The following MGAT4B variants were observed in gnomAD, a reference collection of about 807,000 sequenced individuals.
The protein encoded by MGAT4B is N-acetylglucosaminyltransferase IVb.
A neutral mutation model predicts 73.9 loss-of-function variants in MGAT4B; 38 were observed. The ratio of observed to expected loss-of-function variants is 0.51; its 90% CI spans 0.40 to 0.67. The LOEUF (loss-of-function observed/expected upper bound fraction) is 0.67, where lower values mean the gene tolerates loss of function less well. Among genes scored for constraint, MGAT4B ranks in the 30% least tolerant of loss-of-function variants. MGAT4B has a pLI of 0.00. For synonymous variants in MGAT4B, 373 were observed against 313.5 expected (o/e 1.19, Z -2.01); for missense variants, 686 against 735.2 (o/e 0.93, Z 0.77).
Position 179,798,644 on chromosome 5 carries a change from A to T in MGAT4B, c.1344-53T>A, listed in dbSNP as rs1756763035. ...TGCAGGGGCAGCGTTCCAGCACAGC[A>T]CCCAGGGCCCAGCAGAGAAAGGCCA... On this transcript the variant is annotated intron_variant, in intron 11 of 14. Coordinates refer to ENST00000292591, the MANE Select transcript of MGAT4B (RefSeq NM_014275.5). 1.9e-6 allele frequency: 3 copies of T among 1,590,186 alleles called. No homozygotes were observed. The South Asian group carries it at 3.3e-5, about 18-fold the overall frequency.
Position 179,801,294 on chromosome 5 carries a change from C to T in MGAT4B, c.558+40G>A, listed in dbSNP as rs1233548928. 2 of 1,583,038 alleles carry T rather than the reference C, an allele frequency of 1.3e-6. No homozygotes were observed. Among genetic ancestry groups the T allele is most frequent in the Non-Finnish European group, 1.7e-6 (2 of 1,160,842 alleles). On this transcript the variant is annotated intron_variant, in intron 4 of 14. Coordinates refer to ENST00000292591, the MANE Select transcript of MGAT4B (RefSeq NM_014275.5). The surrounding 1 kb of genome is among the most constrained non-coding windows in gnomAD (Gnocchi z 4.8). Reference sequence around the variant, plus strand: ...CTGTCAGTTCTGCACCGCGGGGGCTCCTCTGAATGTCCCCCAACCCCGCGT... The same window carrying T: ...CTGTCAGTTCTGCACCGCGGGGGCTTCTCTGAATGTCCCCCAACCCCGCGT...
rs967642144 is a variant in MGAT4B, at chr5:179,797,925, C to G, written c.*120G>C. ...GGCGGACCCCAGGCCGGCCCAAGCC[C>G]GACGCCAGGCAGAACCCTTTGGGCG... is the stretch of plus-strand genomic sequence containing the variant. On this transcript the variant is annotated 3_prime_UTR_variant, in exon 15 of 15. Coordinates refer to ENST00000292591, the MANE Select transcript of MGAT4B (RefSeq NM_014275.5). The G allele has an allele frequency of 1.4e-6, 2 of 1,413,600 alleles. No homozygotes were observed. Among genetic ancestry groups the G allele is most frequent in the African/African-American group, 1.4e-5 (1 of 69,900 alleles). 87.6% of individuals were successfully genotyped at this position (1,413,600 alleles called of 1,614,324 possible). A position where few individuals can be genotyped will look rare whatever the true frequency, so the allele number is the denominator to read the frequency against.
At chr5:179,805,814 C>G (rs1025837019) in intron 1 of MGAT4B, among the ~76,000 whole-genome samples, 13 of 152,254 alleles carry the variant, frequency 8.5e-5, no homozygotes, top group Non-Finnish European at 1.8e-4. Flanking sequence ...ATCGCCAAGA[C>G]CGGCCAGCGG....
rs1240547275 is a variant in MGAT4B at position 179,797,776 on chromosome 5, C to T, written c.*269G>A. ...CGCCCAAGTAAAAGCTCTTCTAAAA[C>T]GGCCTGACTGGGGCAGGCCGGGTGC... On this transcript the variant is annotated 3_prime_UTR_variant, in exon 15 of 15. Transcript: ENST00000292591. 29 of 427,510 alleles carry T rather than the reference C, an allele frequency of 6.8e-5. No homozygotes were observed. The highest frequency in any genetic ancestry group is 1.3e-3 in the Middle Eastern group (2 of 1,594). 26.5% of individuals were successfully genotyped at this position (427,510 alleles called of 1,614,324 possible).
At position 179,801,304 on chromosome 5, in the gene MGAT4B, T is replaced by C. The variant is rs199893028; in HGVS notation, c.558+30A>G. The C allele has an allele frequency of 1.5e-5, 24 of 1,589,086 alleles. No homozygotes were observed. Among genetic ancestry groups the C allele is most frequent in the Non-Finnish European group, 2.1e-5 (24 of 1,164,136 alleles). Reference sequence around the variant, plus strand: ...TGCACCGCGGGGGCTCCTCTGAATGTCCCCCAACCCCGCGTCCCGGCTCAC... The same window carrying C: ...TGCACCGCGGGGGCTCCTCTGAATGCCCCCCAACCCCGCGTCCCGGCTCAC... On this transcript the variant is annotated intron_variant, in intron 4 of 14. Transcript: ENST00000292591. This position sits in a 1 kb window ranked among gnomAD's most constrained non-coding sequence, Gnocchi z 4.8.
In MGAT4B at chr5:179,800,892, G is replaced by T. The variant is rs1229278820; in HGVS notation, c.605+15C>A. ...GCTCTCCCGCCACCAGCTCTCTGGGGTCGCCAGTACTCACAAGGCCTTGAT... is the reference window on the plus strand; with the variant it reads ...GCTCTCCCGCCACCAGCTCTCTGGGTTCGCCAGTACTCACAAGGCCTTGAT... On this transcript the variant is annotated intron_variant, in intron 5 of 14. Coordinates refer to ENST00000292591, the MANE Select transcript of MGAT4B (RefSeq NM_014275.5). 1.9e-6 allele frequency: 3 copies of T among 1,613,074 alleles called. No homozygotes were observed. Among genetic ancestry groups the T allele is most frequent in the East Asian group, 4.5e-5 (2 of 44,844 alleles).
At chr5:179,804,140 CCA>C (rs1757050310) in intron 1 of MGAT4B, among the ~76,000 whole-genome samples, 2 of 152,232 alleles carry the variant, frequency 1.3e-5, no homozygotes, top group Admixed American at 6.5e-5. Context: ...GGCCCACAAA[CCA>C]CAGTTCCCCC....
At position 179,798,455 on chromosome 5, in the gene MGAT4B, T is replaced by G. The variant is rs778966833; in HGVS notation, c.1423-21A>C. 3.1e-6 allele frequency: 5 copies of G among 1,612,840 alleles called. No individual in the cohort carries two copies. The Admixed American group carries it at 8.3e-5, about 27-fold the overall frequency. On this transcript the variant is annotated intron_variant, in intron 12 of 14. Coordinates refer to ENST00000292591, the MANE Select transcript of MGAT4B (RefSeq NM_014275.5). Reference sequence around the variant, plus strand: ...GGGTTCTGGGGGCAGAATCAAGGGCTGAGGCAGGTGGTCACAGGAGGCCCG... The same window carrying G: ...GGGTTCTGGGGGCAGAATCAAGGGCGGAGGCAGGTGGTCACAGGAGGCCCG...
chr5:179,804,287 T>C (rs1304903185), intron 1 of MGAT4B, among the ~76,000 whole-genome samples: 7 of 152,224 alleles, frequency 4.6e-5, no homozygotes, highest in Admixed American at 4.6e-4. Context: ...GCTGTCACCA[T>C]GCATGTGTGT....
chr5:179,799,400 C>T (rs1756806158), intron 9 of MGAT4B, 90 bp from the exon 10 acceptor site: 3 of 1,604,930 alleles, frequency 1.9e-6, no homozygotes, highest in African/African-American at 2.7e-5. Context: ...CCTCCCACAG[C>T]TGACAGTGCT....
chr5:179,801,988 C>T lies in MGAT4B; in HGVS notation c.98-19G>A. On this transcript the variant is annotated intron_variant, in intron 1 of 14. Transcript: ENST00000292591. This position sits in a 1 kb window ranked among gnomAD's most constrained non-coding sequence, Gnocchi z 4.8. ...ACGTCGCCTGCAGGTGGTAGGCAAG[C>T]CGTCACGAGGGGGCGGTCTAGAGCC... The T allele has an allele frequency of 1.9e-6, 3 of 1,613,472 alleles. No homozygotes were observed. Among genetic ancestry groups the T allele is most frequent in the Non-Finnish European group, 2.5e-6 (3 of 1,180,026 alleles).
In MGAT4B at chr5:179,801,473, G is replaced by A. The variant is rs201648109; in HGVS notation, c.425-6C>T. The A allele has an allele frequency of 5.0e-5, 81 of 1,604,954 alleles. 1 individual carries two copies. The Middle Eastern group carries it at 1.2e-3, about 23-fold the overall frequency. ...GATGCCCATCACCACCGACACTATG[G>A]GGGACGGAGGCCCGACGCTGGAAAG... On this transcript the variant is annotated splice_polypyrimidine_tract_variant and splice_region_variant and intron_variant, in intron 3 of 14. Transcript: ENST00000292591. This position sits in a 1 kb window ranked among gnomAD's most constrained non-coding sequence, Gnocchi z 4.8.
intron 1 of MGAT4B, chr5:179,805,328 G>A (rs1483472437): frequency 6.6e-6 from 1 of 152,336 alleles, no homozygotes; most frequent in Admixed American, 6.5e-5. Flanking sequence ...CAAGGACCCA[G>A]AATGTCCTTC....
At position 179,801,737 on chromosome 5, in the gene MGAT4B, A is replaced by T. The variant is rs1756950398; in HGVS notation, c.284-43T>A. ...GATCGGGACTGAGACCAGGGAACCT[A>T]CAACCAGCCCGCCCCCGCCTTTTCC... On this transcript the variant is annotated intron_variant, in intron 2 of 14. Transcript: ENST00000292591. This position sits in a 1 kb window ranked among gnomAD's most constrained non-coding sequence, Gnocchi z 4.8. 6.3e-7 allele frequency: 1 copy of T among 1,586,860 alleles called. No individual in the cohort carries two copies. Among genetic ancestry groups the T allele is most frequent in the East Asian group, 2.3e-5 (1 of 43,834 alleles).
intron 5 of MGAT4B, 93 bp from the exon 6 acceptor site, chr5:179,800,690 A>G (rs762900527): frequency 1.2e-4 from 136 of 1,118,640 alleles, no homozygotes; most frequent in South Asian, 2.3e-4. Flanking sequence ...AGGCTCACCC[A>G]GTGCCAGCCC....
intron 12 of MGAT4B, 32 bp from the exon 13 acceptor site, chr5:179,798,466 G>C (rs1287414350): frequency 3.1e-6 from 5 of 1,613,090 alleles, no homozygotes. Context: ...GAGGCAGGTG[G>C]TCACAGGAGG....
At position 179,806,443 on chromosome 5, in the gene MGAT4B, C is replaced by T. The variant is rs1205662340; in HGVS notation, c.97+44G>A. The T allele has an allele frequency of 8.6e-7, 1 of 1,158,994 alleles. No homozygotes were observed. The highest frequency in any genetic ancestry group is 1.1e-6 in the Non-Finnish European group (1 of 920,216). 71.8% of individuals were successfully genotyped at this position (1,158,994 alleles called of 1,614,324 possible). A position where few individuals can be genotyped will look rare whatever the true frequency, so the allele number is the denominator to read the frequency against. On this transcript the variant is annotated intron_variant, in intron 1 of 14. Transcript: ENST00000292591. The surrounding 1 kb of genome is among the most constrained non-coding windows in gnomAD (Gnocchi z 4.6). Reference sequence around the variant, plus strand: ...CCGCCGGGCCCGCTCCCGCCGCCGACGCCCAGGTGCGCCAGGTGCGGGCCG... The same window carrying T: ...CCGCCGGGCCCGCTCCCGCCGCCGATGCCCAGGTGCGCCAGGTGCGGGCCG...
In MGAT4B at chr5:179,806,609, G is replaced by T. The variant is rs762710209; in HGVS notation, c.-26C>A. ...CTCCTCGGGTGCGCGGCGGGCGCCC[G>T]CGGGGCCGAGGCTGCATGGCCCGGG... is the stretch of plus-strand genomic sequence containing the variant. On this transcript the variant is annotated 5_prime_UTR_variant, in exon 1 of 15. Transcript: ENST00000292591. This position sits in a 1 kb window ranked among gnomAD's most constrained non-coding sequence, Gnocchi z 4.6. 8 of 1,204,816 alleles carry T rather than the reference G, an allele frequency of 6.6e-6. No homozygotes were observed. Among genetic ancestry groups the T allele is most frequent in the Non-Finnish European group, 8.5e-6 (8 of 939,382 alleles). The allele number at this position is 1,204,816 out of a possible 1,614,324, so 74.6% of individuals were successfully genotyped here.
At chr5:179,803,321 T>C (rs6883116) in intron 1 of MGAT4B, 396,357 of 965,528 alleles carry the variant, frequency 0.41, 81,960 homozygotes, top group Non-Finnish European at 0.42. Flanking sequence ...GTCAGATTAC[T>C]GGCTCTGCCA....
Sources: allele counts gnomAD v4.1 joint callset (sites outside exome capture counted in the v4.1 genomes callset), GRCh38; gene constraint gnomAD v4.1.1; non-coding constraint Gnocchi (gnomAD v3.1); transcripts MANE v1.5; gene names NCBI Gene and HGNC (gene_info 2026-07-23, HGNC 2026-07-21).